Variants in SNURF observed in about 807,000 individuals in gnomAD.
SNURF encodes the protein SNRPN upstream open reading frame, also known as SNURF protein.
In SNURF, 6 loss-of-function variants were observed where a neutral mutation model predicts 11.6. That is an observed-to-expected ratio of 0.52 (90% CI 0.28 to 1.02). The LOEUF (loss-of-function observed/expected upper bound fraction) is 1.02. Ranked by LOEUF, SNURF falls within the 50% of genes least tolerant of loss-of-function variation. SNURF has a pLI of 0.09. For missense variants in SNURF, 84 were observed against 88.4 expected, an observed-to-expected ratio of 0.95 and a Z score of 0.20; for synonymous variants, 29 against 31.6, an observed-to-expected ratio of 0.92 and a Z score of 0.27.
chr15:24,962,012 A>G (rs959624711), intron 1 of SNURF, 102 bp from the exon 2 acceptor site: 1 of 1,015,532 alleles, frequency 9.8e-7, no homozygotes, highest in African/African-American at 1.6e-5. Flanking sequence ...TTAGATTTAA[A>G]AATCCATTAT....
intron 1 of SNURF, chr15:24,958,703 G>A (rs1479000484): frequency 6.6e-6 from 1 of 152,294 alleles, no homozygotes; most frequent in Non-Finnish European, 1.5e-5. Context: ...GTACAGATTA[G>A]CAGCCTATCA....
intron 6 of SNURF, among the ~76,000 whole-genome samples, chr15:24,977,338 G>A (rs1457422050): frequency 1.3e-5 from 2 of 152,148 alleles, no homozygotes; most frequent in African/African-American, 2.4e-5. Context: ...ACTAAGATTA[G>A]TTTTTAAAAT....
At chr15:24,959,338 A>G (rs1156553743) in intron 1 of SNURF, among the ~76,000 whole-genome samples, 1 of 152,200 alleles carries the variant, frequency 6.6e-6, no homozygotes, top group African/African-American at 2.4e-5. Flanking sequence ...AAAAATAAGT[A>G]GATTTAAGCC....
chr15:24,962,761 T>G (rs2075033205), intron 2 of SNURF, among the ~76,000 whole-genome samples: 1 of 152,174 alleles, frequency 6.6e-6, no homozygotes. Flanking sequence ...TAAAAATAGG[T>G]GAACATTTTA....
chr15:24,967,834 A>G, intron 2 of SNURF, 98 bp from the exon 3 acceptor site: 1 of 857,286 alleles, frequency 1.2e-6, no homozygotes, highest in Non-Finnish European at 1.8e-6. Flanking sequence ...AAAAAGGAAT[A>G]TCTTCTTAAA....
chr15:24,971,532 T>G (rs2076404085), downstream of SNURF, among the ~76,000 whole-genome samples: 2 of 151,374 alleles, frequency 1.3e-5, no homozygotes, highest in Non-Finnish European at 2.9e-5. Flanking sequence ...GTTATTATTA[T>G]ATTATGATAT....
At chr15:24,963,717 G>C (rs778322992) in intron 2 of SNURF, among the ~76,000 whole-genome samples, 1 of 151,966 alleles carries the variant, frequency 6.6e-6, no homozygotes, top group Non-Finnish European at 1.5e-5. Context: ...AGTAGTTTGT[G>C]TGTCTTTTGT....
intron 1 of SNURF, among the ~76,000 whole-genome samples, chr15:24,958,055 A>G (rs2063204359): frequency 6.6e-6 from 1 of 152,088 alleles, no homozygotes; most frequent in Non-Finnish European, 1.5e-5. Flanking sequence ...GTACTAACTG[A>G]TTTGGATTTA....
chr15:24,970,869 A>G (rs754114344), downstream of SNURF, among the ~76,000 whole-genome samples: 17 of 152,196 alleles, frequency 1.1e-4, no homozygotes, highest in Middle Eastern at 3.4e-3. Context: ...TTGTGTTTTT[A>G]ATTGGAATTA....
chr15:24,962,636 T>C (rs1166399724), intron 2 of SNURF, among the ~76,000 whole-genome samples: 1 of 152,200 alleles, frequency 6.6e-6, no homozygotes, highest in East Asian at 1.9e-4. Flanking sequence ...TTAAAATACA[T>C]TTGTGTTTTT....
exon 3 of SNURF, chr15:24,967,951 C>A (rs375510236): frequency 1.9e-6 from 3 of 1,613,976 alleles, no homozygotes; most frequent in South Asian, 2.2e-5. Flanking sequence ...GTACCCGAGG[C>A]GTTCTCAGCA....
At chr15:24,967,137 A>G (rs978136180) in intron 2 of SNURF, 3 of 152,184 alleles carry the variant, frequency 2.0e-5, no homozygotes, top group African/African-American at 7.2e-5. Flanking sequence ...GATTGTTCAC[A>G]CAGGATAATT....
chr15:24,956,644 C>T (rs2062959015), intron 1 of SNURF, among the ~76,000 whole-genome samples: 1 of 152,188 alleles, frequency 6.6e-6, no homozygotes, highest in South Asian at 2.1e-4. Flanking sequence ...GAATGGCAGC[C>T]CTCCCCTTCA....
intron 3 of SNURF, chr15:24,975,244 TGTTTA>T: frequency 2.6e-6 from 2 of 770,824 alleles, no homozygotes; most frequent in Admixed American, 2.3e-5. Flanking sequence ...AGAGAATATT[TGTTTA>T]GTTAAGGAAA....
exon 1 of SNURF, chr15:24,954,987 G>A (rs755193689): frequency 2.6e-4 from 418 of 1,607,912 alleles, no homozygotes; most frequent in Non-Finnish European, 3.5e-4. Context: ...CGAGTCTGGC[G>A]CAGAGTGGAG....
At chr15:24,956,763 C>G (rs900245772) in intron 1 of SNURF, among the ~76,000 whole-genome samples, 1 of 152,152 alleles carries the variant, frequency 6.6e-6, no homozygotes, top group African/African-American at 2.4e-5. Flanking sequence ...CCACCCCTTA[C>G]CCACGGTGCA....
At chr15:24,967,856 C>G in intron 2 of SNURF, 76 bp from the exon 3 acceptor site, 1 of 1,127,690 alleles carries the variant, frequency 8.9e-7, no homozygotes, top group Admixed American at 1.7e-5. Context: ...GTAAGGGTAC[C>G]TAGTTTTCTT....
exon 3 of SNURF, chr15:24,968,069 C>G (rs2075908037): frequency 6.3e-7 from 1 of 1,582,962 alleles, no homozygotes; most frequent in Admixed American, 1.7e-5. Context: ...AATCTGATTC[C>G]AAGCAAAAAC....
At chr15:24,971,642 G>A (rs544133787), downstream of SNURF, among the ~76,000 whole-genome samples, 5 of 152,130 alleles carry the variant, frequency 3.3e-5, no homozygotes, top group Non-Finnish European at 4.4e-5. Context: ...CCTCTGGACC[G>A]CTAAGCTTGT....
Sources: gnomAD v4.1 joint callset for allele counts (sites outside exome capture counted in the v4.1 genomes callset) on GRCh38, gnomAD v4.1.1 for gene constraint, MANE v1.5 for transcripts, NCBI Gene and HGNC (gene_info 2026-07-23, HGNC 2026-07-21) for gene names.